The following C8orf34 variants were observed in gnomAD, a reference collection of about 807,000 sequenced individuals.
The protein encoded by C8orf34 is uncharacterized protein C8orf34.
In C8orf34, 65 loss-of-function variants were observed where a neutral mutation model predicts 68.3. That is an observed-to-expected ratio of 0.95 (90% confidence interval 0.78 to 1.17). C8orf34 has a LOEUF of 1.17. C8orf34 is among the 50% of genes most tolerant of loss of function. The pLI is 0.00. For synonymous variants in C8orf34, 244 were observed against 241.2 expected (o/e 1.01, Z -0.11); for missense variants, 664 against 655.4 (o/e 1.01, Z -0.14).
At chr8:68,597,302 A>G (rs1335555224) in intron 7 of C8orf34, among the ~76,000 whole-genome samples, 2 of 152,102 alleles carry the variant, frequency 1.3e-5, no homozygotes, top group East Asian at 3.9e-4. Flanking sequence ...CATGTGTCCT[A>G]CAGATTGGTG....
At chr8:68,629,496 G>A (rs1490740225) in intron 7 of C8orf34, among the ~76,000 whole-genome samples, 1 of 151,986 alleles carries the variant, frequency 6.6e-6, no homozygotes, top group Non-Finnish European at 1.5e-5. Flanking sequence ...TTTTTCCAGT[G>A]GCTGTTTAGT....
chr8:68,644,009 G>A (rs1467943036), intron 8 of C8orf34, among the ~76,000 whole-genome samples: 1 of 152,140 alleles, frequency 6.6e-6, no homozygotes, highest in Non-Finnish European at 1.5e-5. Context: ...AAAGTCTAGA[G>A]GCGTTTGTAA....
chr8:68,443,409 T>C (rs1333860138), intron 2 of C8orf34, among the ~76,000 whole-genome samples: 3 of 152,132 alleles, frequency 2.0e-5, no homozygotes, highest in Non-Finnish European at 4.4e-5. Context: ...TTTGTTTTTG[T>C]TTTTGAGATG....
In C8orf34 at chr8:68,817,462, T is replaced by A. The variant is rs554890110; in HGVS notation, c.1610-777T>A. Among the ~76,000 whole-genome samples, 7 of 152,276 alleles carry A rather than the reference T, an allele frequency of 4.6e-5. No homozygotes were observed. The East Asian group carries it at 1.4e-3, about 29-fold the overall frequency. ...TCTTCCTCTCTAACTTTTCTCCCTC[T>A]CTTTCATCAAATAAATATTTCCGAA... On this transcript the variant is annotated intron_variant, in intron 13 of 13. Coordinates refer to ENST00000518698, the MANE Select transcript of C8orf34 (RefSeq NM_052958.4).
chr8:68,776,080 G>A (rs531692449), intron 10 of C8orf34, among the ~76,000 whole-genome samples: 1 of 152,246 alleles, frequency 6.6e-6, no homozygotes, highest in Admixed American at 6.5e-5. Flanking sequence ...ATGGGTTGAT[G>A]GGTGCAGCAA....
intron 8 of C8orf34, among the ~76,000 whole-genome samples, chr8:68,684,364 A>G (rs1820452076): frequency 6.6e-6 from 1 of 152,188 alleles, no homozygotes; most frequent in African/African-American, 2.4e-5. Context: ...AAGAAATCTT[A>G]AACAGGCATA....
rs531472724 is a variant in C8orf34, at chr8:68,422,924, C to G, written c.328-16575C>G. On this transcript the variant is annotated intron_variant, in intron 1 of 13. Transcript: ENST00000518698. ...GGGCTTACACCCTCTGAAACAAAGC[C>G]CCGAGCTATACCTTGGCCCCTTTTA... 1.5e-4 allele frequency among the ~76,000 whole-genome samples: 23 copies of G among 152,324 alleles called. No individual in the cohort carries two copies. In the East Asian group the frequency reaches 3.3e-3, roughly 22 times the overall value.
In C8orf34 at chr8:68,331,165, G is replaced by T. The variant is rs780012151; in HGVS notation, c.153G>T (p.Arg51=). ...RASHAGQPRL[R]SSCPGPSPGK... ...GCCACGCAGGGCAGCCGAGGCTCCG[G>T]AGCTCCTGTCCCGGCCCCAGTCCGG... Residue 51 remains arginine, a synonymous_variant, in exon 1 of 14, where the codon CGG becomes CGT. Coordinates refer to ENST00000518698, the MANE Select transcript of C8orf34 (RefSeq NM_052958.4). 163 of 1,530,162 alleles carry T rather than the reference G, an allele frequency of 1.1e-4. No individual in the cohort carries two copies. The African/African-American group carries it at 2.0e-3, about 19-fold the overall frequency. The allele number at this position is 1,530,162 out of a possible 1,614,324, so 94.8% of individuals were successfully genotyped here.
chr8:68,696,845 G>A (rs954664208), intron 8 of C8orf34, among the ~76,000 whole-genome samples: 6 of 151,662 alleles, frequency 4.0e-5, no homozygotes, highest in East Asian at 3.9e-4. Context: ...ATATAATTTC[G>A]CTAATAGAAA....
intron 12 of C8orf34, among the ~76,000 whole-genome samples, chr8:68,809,696 A>G (rs1272268807): frequency 6.6e-6 from 1 of 152,048 alleles, no homozygotes; most frequent in African/African-American, 2.4e-5. Context: ...ATCCCAACCT[A>G]CCTCCTTTTT....
At chr8:68,765,597 G>T (rs1823148379) in intron 10 of C8orf34, among the ~76,000 whole-genome samples, 1 of 152,090 alleles carries the variant, frequency 6.6e-6, no homozygotes, top group African/African-American at 2.4e-5. Context: ...ATATTTGGAG[G>T]TCACTTCTTT....
At chr8:68,691,913 G>A (rs1820696379) in intron 8 of C8orf34, among the ~76,000 whole-genome samples, 1 of 151,958 alleles carries the variant, frequency 6.6e-6, no homozygotes, top group Non-Finnish European at 1.5e-5. Context: ...TTATAAGTTT[G>A]TGTTAAGAAT....
intron 7 of C8orf34, among the ~76,000 whole-genome samples, chr8:68,552,620 G>A (rs2130068706): frequency 6.6e-6 from 1 of 152,184 alleles, no homozygotes; most frequent in East Asian, 1.9e-4. Context: ...GACCAAAATA[G>A]AAGTGAACAG....
chr8:68,465,564 A>G (rs1812080524), intron 3 of C8orf34, among the ~76,000 whole-genome samples: 2 of 152,172 alleles, frequency 1.3e-5, no homozygotes, highest in African/African-American at 2.4e-5. Context: ...ATGTCCAACA[A>G]TGATAGACTG....
chr8:68,802,289 G>T (rs1177534189), intron 12 of C8orf34, among the ~76,000 whole-genome samples: 1 of 151,160 alleles, frequency 6.6e-6, no homozygotes, highest in Admixed American at 6.6e-5. Flanking sequence ...TAGTAGAGAA[G>T]GGGTTTCTCC....
At chr8:68,572,269 T>C (rs777477796) in intron 7 of C8orf34, among the ~76,000 whole-genome samples, 1 of 151,546 alleles carries the variant, frequency 6.6e-6, no homozygotes. Flanking sequence ...ACACACAGTA[T>C]TTCAAGCAAA....
At chr8:68,559,467 A>G (rs1390237658) in intron 7 of C8orf34, among the ~76,000 whole-genome samples, 1 of 152,200 alleles carries the variant, frequency 6.6e-6, no homozygotes, top group Non-Finnish European at 1.5e-5. Context: ...CAGGACAGGA[A>G]TTTTAGTTTT....
At chr8:68,715,666 A>T (rs28798470) in intron 9 of C8orf34, among the ~76,000 whole-genome samples, 15,738 of 151,842 alleles carry the variant, frequency 0.1, 1,445 homozygotes, top group African/African-American at 0.25. Context: ...AAAAAAAAAA[A>T]AGATGTTGGT....
intron 10 of C8orf34, among the ~76,000 whole-genome samples, chr8:68,736,049 G>A (rs980409101): frequency 6.6e-6 from 1 of 152,070 alleles, no homozygotes; most frequent in African/African-American, 2.4e-5. Context: ...TAGACCAATG[G>A]CTTTTTCATA....
Sources: allele counts gnomAD v4.1 joint callset (sites outside exome capture counted in the v4.1 genomes callset), GRCh38; gene constraint gnomAD v4.1.1; transcripts MANE v1.5; gene names NCBI Gene and HGNC (gene_info 2026-07-23, HGNC 2026-07-21).